Variants in GNAS observed in about 807,000 individuals in gnomAD.
GNAS encodes the protein protein ALEX.
A neutral mutation model predicts 54.5 loss-of-function variants in GNAS; 8 were observed. The ratio of observed to expected loss-of-function variants is 0.15; its 90% CI spans 0.09 to 0.26. The LOEUF (loss-of-function observed/expected upper bound fraction) is 0.26, where lower values mean the gene tolerates loss of function less well. Ranked by LOEUF, GNAS falls within the 10% of genes least tolerant of loss-of-function variation. The probability of loss-of-function intolerance (pLI) is 1.00; values close to 1 mark genes in which losing one functional copy is unlikely to be tolerated. For synonymous variants in GNAS, 204 were observed against 191.4 expected (o/e 1.07, Z -0.54); for missense variants, 170 against 529.8 (o/e 0.32, Z 6.67).
intron 1 of GNAS, among the ~76,000 whole-genome samples, chr20:58,874,391 A>T (rs772127210): frequency 6.6e-6 from 1 of 152,234 alleles, no homozygotes; most frequent in Non-Finnish European, 1.5e-5. Flanking sequence ...TCTTAGGAAG[A>T]TGGGCCCAAT....
At position 58,873,615 on chromosome 20, in the gene GNAS, T is replaced by TAGA; in HGVS notation, c.44-21997_44-21996insAGA. 6.6e-6 allele frequency among the ~76,000 whole-genome samples: 1 copy of TAGA among 152,350 alleles called. No individual in the cohort carries two copies. Among genetic ancestry groups the TAGA allele is most frequent in the South Asian group, 2.1e-4 (1 of 4,828 alleles). On this transcript the variant is annotated intron_variant, in intron 1 of 12. Transcript: ENST00000306090. The surrounding 1 kb of genome is among the most constrained non-coding windows in gnomAD (Gnocchi z 4.3). ...GTCTGTCTAGTAGCATCTCTAAGCT[T>TAGA]GCAGTAGCTGCTCACGTGTCTGCCA...
intron 1 of GNAS, among the ~76,000 whole-genome samples, chr20:58,874,874 TG>T (rs2087707237): frequency 6.6e-6 from 1 of 152,246 alleles, no homozygotes; most frequent in African/African-American, 2.4e-5. Flanking sequence ...TTCCAGCCAT[TG>T]TGGAATGAAA....
At chr20:58,846,066 A>G (rs1156688337) in intron 1 of GNAS, among the ~76,000 whole-genome samples, 1 of 152,178 alleles carries the variant, frequency 6.6e-6, no homozygotes, top group Non-Finnish European at 1.5e-5. Flanking sequence ...AAGTGGGGAG[A>G]GATTTAAGGA....
upstream of GNAS, among the ~76,000 whole-genome samples, chr20:58,887,168 C>CT (rs2088648492): frequency 6.6e-6 from 1 of 152,166 alleles, no homozygotes. Context: ...CATTGTATAA[C>CT]TTTGTAGCTC....
chr20:58,901,071 G>GA (rs2090559263), intron 3 of GNAS, among the ~76,000 whole-genome samples: 7 of 152,164 alleles, frequency 4.6e-5, no homozygotes, highest in Admixed American at 4.6e-4. Context: ...TGCAGATTTG[G>GA]ATATTTAGTA....
chr20:58,854,261 T>G, intron 1 of GNAS: 1 of 1,612,980 alleles, frequency 6.2e-7, no homozygotes, highest in South Asian at 1.1e-5. Context: ...CAATCGCGCT[T>G]GACGGCCCGC....
chr20:58,879,852 A>AGGCACCTGCCCACATTTT (rs948975183), intron 1 of GNAS, among the ~76,000 whole-genome samples: 3 of 152,200 alleles, frequency 2.0e-5, no homozygotes, highest in African/African-American at 7.2e-5. Context: ...AGGAAGCTGA[A>AGGCACCTGCCCACATTTT]GGCACCTGCC....
At chr20:58,840,025 C>T, upstream of GNAS, 5 of 1,521,416 alleles carry the variant, frequency 3.3e-6, no homozygotes, top group Non-Finnish European at 3.6e-6. This position sits in a 1 kb window ranked among gnomAD's most constrained non-coding sequence, Gnocchi z 6.0. Context: ...GTACCTTTCC[C>T]GGCTCCAGCA....
Position 58,897,048 on chromosome 20 carries a change from C to T in GNAS, c.212+1364C>T, listed in dbSNP as rs1191426463. ...TTAGAGAAGGATGACATCACCCATA[C>T]GAATAGTCCTGTTAGTTGAGGATGC... On this transcript the variant is annotated intron_variant, in intron 2 of 12. Coordinates refer to ENST00000371085, the MANE Select transcript of GNAS (RefSeq NM_000516.7). Among the ~76,000 whole-genome samples, 7 of 152,170 alleles carry T rather than the reference C, an allele frequency of 4.6e-5. No homozygotes were observed. In the East Asian group the frequency reaches 5.8e-4, roughly 13 times the overall value.
In GNAS at chr20:58,891,736, C is replaced by T; in HGVS notation, c.10C>T (p.Leu4Phe). 1 of 1,190,068 alleles carries T rather than the reference C, an allele frequency of 8.4e-7. No homozygotes were observed. Among genetic ancestry groups the T allele is most frequent in the African/African-American group, 1.6e-5 (1 of 61,828 alleles). 73.7% of individuals were successfully genotyped at this position (1,190,068 alleles called of 1,614,324 possible). A position where few individuals can be genotyped will look rare whatever the true frequency, so the allele number is the denominator to read the frequency against. The change falls in exon 1 of 13, where the codon CTC becomes TTC. Residue 4 changes from leucine (L) to phenylalanine (F), a missense_variant. Coordinates refer to ENST00000371085, the MANE Select transcript of GNAS (RefSeq NM_000516.7). MGC[L>F]GNSKTEDQRN... ...CGCCGCCGCCGCCGCCATGGGCTGCCTCGGGAACAGTAAGACCGAGGACCA... is the reference window on the plus strand; with the variant it reads ...CGCCGCCGCCGCCGCCATGGGCTGCTTCGGGAACAGTAAGACCGAGGACCA...
At chr20:58,839,788 G>C, upstream of GNAS, 1 of 569,730 alleles carries the variant, frequency 1.8e-6, no homozygotes. Flanking sequence ...ACCGGCGGAG[G>C]CACCTCTCTC....
rs1217619240 is a variant in GNAS, at chr20:58,873,980, ATAAT to A, written c.44-21628_44-21625del. ...TTACCTAAAAGTGTCATGAGTGCTG[ATAAT>A]TAAACTGCAGAAAACCTAGAAGGAT... On this transcript the variant is annotated intron_variant, in intron 1 of 12. Coordinates refer to the GNAS transcript ENST00000306090. This position sits in a 1 kb window ranked among gnomAD's most constrained non-coding sequence, Gnocchi z 4.3. 5.9e-5 allele frequency among the ~76,000 whole-genome samples: 9 copies of A among 152,342 alleles called. No individual in the cohort carries two copies. The highest frequency in any genetic ancestry group is 5.8e-4 in the East Asian group (3 of 5,186).
Position 58,853,599 on chromosome 20 carries a change from G to C in GNAS, c.43+12713G>C, listed in dbSNP as rs1182673098. 14 of 1,613,354 alleles carry C rather than the reference G, an allele frequency of 8.7e-6. No individual in the cohort carries two copies. Among genetic ancestry groups the C allele is most frequent in the Non-Finnish European group, 1.1e-5 (13 of 1,179,880 alleles). ...CTTCGAGGCTGAACAGCCCAGCTTGGGAGGCTTCTGGCCTACACTGGAGCA... is the reference window on the plus strand; with the variant it reads ...CTTCGAGGCTGAACAGCCCAGCTTGCGAGGCTTCTGGCCTACACTGGAGCA... On this transcript the variant is annotated intron_variant, in intron 1 of 12. Transcript: ENST00000306090. This position sits in a 1 kb window ranked among gnomAD's most constrained non-coding sequence, Gnocchi z 4.4.
chr20:58,906,257 G>C (rs1481410958), intron 6 of GNAS, among the ~76,000 whole-genome samples: 8 of 152,214 alleles, frequency 5.3e-5, no homozygotes, highest in African/African-American at 1.9e-4. Context: ...GGCTCACCTG[G>C]TTGGTGTGTT....
At chr20:58,877,669 G>T (rs1323519490) in intron 1 of GNAS, among the ~76,000 whole-genome samples, 1 of 152,222 alleles carries the variant, frequency 6.6e-6, no homozygotes, top group Non-Finnish European at 1.5e-5. Context: ...TTTTAGGAAT[G>T]GGGAAAGAGT....
chr20:58,855,662 G>C, intron 1 of GNAS: 1 of 701,564 alleles, frequency 1.4e-6, no homozygotes, highest in South Asian at 1.5e-5. Flanking sequence ...AGGAACTGCC[G>C]GGGAGGGGCC....
chr20:58,891,410 G>A (rs1441661824), upstream of GNAS: 5 of 306,148 alleles, frequency 1.6e-5, no homozygotes, highest in African/African-American at 2.3e-5. Context: ...GGCGGCGGCG[G>A]CAGCGGCGGC....
chr20:58,853,577 C>T lies in GNAS; in HGVS notation c.43+12691C>T. 1 of 1,613,268 alleles carries T rather than the reference C, an allele frequency of 6.2e-7. No individual in the cohort carries two copies. The highest frequency in any genetic ancestry group is 8.5e-7 in the Non-Finnish European group (1 of 1,179,856). Reference sequence around the variant, plus strand: ...CACCTCCTGAGGAAGCAATGCCCTTCGAGGCTGAACAGCCCAGCTTGGGAG... The same window carrying T: ...CACCTCCTGAGGAAGCAATGCCCTTTGAGGCTGAACAGCCCAGCTTGGGAG... On this transcript the variant is annotated intron_variant, in intron 1 of 12. Coordinates refer to the GNAS transcript ENST00000306090. This position sits in a 1 kb window ranked among gnomAD's most constrained non-coding sequence, Gnocchi z 4.4.
Position 58,873,506 on chromosome 20 carries a change from C to T in GNAS, c.44-22106C>T, listed in dbSNP as rs1600826299. 6.6e-6 allele frequency among the ~76,000 whole-genome samples: 1 copy of T among 152,134 alleles called. No individual in the cohort carries two copies. The highest frequency in any genetic ancestry group is 1.5e-5 in the Non-Finnish European group (1 of 68,020). On this transcript the variant is annotated intron_variant, in intron 1 of 12. Coordinates refer to the GNAS transcript ENST00000306090. This position sits in a 1 kb window ranked among gnomAD's most constrained non-coding sequence, Gnocchi z 4.3. ...CCAGTCCTTGGTACACAGGGACTAG[C>T]ACATGTACCCATTTTTTCTCACTGA...
Sources: allele counts gnomAD v4.1 joint callset (sites outside exome capture counted in the v4.1 genomes callset), GRCh38; gene constraint gnomAD v4.1.1; non-coding constraint Gnocchi (gnomAD v3.1); transcripts MANE v1.5; gene names NCBI Gene and HGNC (gene_info 2026-07-23, HGNC 2026-07-21).